Variants in JPH1 observed in about 807,000 individuals in gnomAD.
JPH1 encodes junctophilin-1.
In JPH1, 12 loss-of-function variants were observed where a neutral mutation model predicts 53.6. The ratio of observed to expected loss-of-function variants is 0.22; its 90% CI spans 0.14 to 0.36. The LOEUF (loss-of-function observed/expected upper bound fraction) is 0.36. Among genes scored for constraint, JPH1 ranks in the 10% least tolerant of loss-of-function variants. The pLI, the probability that JPH1 is intolerant of heterozygous loss-of-function variation, is 1.00. For synonymous variants in JPH1, 375 were observed against 363.8 expected (o/e 1.03, Z -0.35); for missense variants, 808 against 905.5 (o/e 0.89, Z 1.38).
rs546213366 is a variant in JPH1, at chr8:74,237,120, C to T, written c.*16-85G>A. 4.4e-5 allele frequency: 36 copies of T among 820,400 alleles called. 1 individual carries two copies. Among genetic ancestry groups the T allele is most frequent in the South Asian group, 3.7e-4 (22 of 59,780 alleles). 50.8% of individuals were successfully genotyped at this position (820,400 alleles called of 1,614,324 possible). Reference sequence around the variant, plus strand: ...GCCAAAATTAAAGTGAAGGACAATACGTCATTGTTAAAAAAAATAGCAAAT... The same window carrying T: ...GCCAAAATTAAAGTGAAGGACAATATGTCATTGTTAAAAAAAATAGCAAAT... On this transcript the variant is annotated intron_variant, in intron 5 of 5. Transcript: ENST00000342232.
At chr8:74,253,683 A>G (rs185493062) in intron 3 of JPH1, among the ~76,000 whole-genome samples, 77 of 152,290 alleles carry the variant, frequency 5.1e-4, no homozygotes, top group African/African-American at 1.7e-3. Context: ...AGAATCAAAT[A>G]GACGCAATAA....
rs925891002 is a variant in JPH1, at chr8:74,262,107, A to T, written c.1140-2604T>A. Among the ~76,000 whole-genome samples the T allele has an allele frequency of 3.3e-5, 5 of 151,898 alleles. No individual in the cohort carries two copies. The South Asian group carries it at 1.0e-3, about 32-fold the overall frequency. ...TCTATCCAGCCCAGCTCTGTGGCTC[A>T]GTGCTACTGTATAGCTGGCCAGATG... is the stretch of plus-strand genomic sequence containing the variant. On this transcript the variant is annotated intron_variant, in intron 2 of 5. Transcript: ENST00000342232.
chr8:74,273,898 T>G (rs1806774366), intron 2 of JPH1, among the ~76,000 whole-genome samples: 1 of 152,312 alleles, frequency 6.6e-6, no homozygotes, highest in Middle Eastern at 3.4e-3. Flanking sequence ...TTATCTTCTG[T>G]TGTTACTTGA....
At chr8:74,262,802 T>C (rs554328546) in intron 2 of JPH1, among the ~76,000 whole-genome samples, 6 of 152,340 alleles carry the variant, frequency 3.9e-5, no homozygotes, top group Admixed American at 2.0e-4. Context: ...TTATGCTCAC[T>C]GAGCAGCTAT....
At chr8:74,276,380 G>A (rs933920345) in intron 2 of JPH1, among the ~76,000 whole-genome samples, 3 of 152,190 alleles carry the variant, frequency 2.0e-5, no homozygotes, top group African/African-American at 7.2e-5. Flanking sequence ...TAACATGGAG[G>A]TCAAGTCCCA....
In JPH1 at chr8:74,321,188, C is replaced by T. The variant is rs1203328866; in HGVS notation, c.100G>A (p.Gly34Ser). The change falls in exon 1 of 6, where the codon GGC becomes AGC. Residue 34 changes from glycine (G) to serine (S), a missense_variant. Gly to Ser is a moderately conservative substitution (Grantham distance 56, BLOSUM62 0). This residue lies in a region of JPH1 where 52 missense variants were observed against 93.6 expected (regional missense o/e 0.56). Coordinates refer to ENST00000342232, the MANE Select transcript of JPH1 (RefSeq NM_020647.4). This position sits in a 1 kb window ranked among gnomAD's most constrained non-coding sequence, Gnocchi z 4.3. ...CAGGAGCCCGAGTACTCGCCCTGGC[C>T]CTTGGGCCCCGTGCAGATGCCATGC... ...HGHGICTGPK[G>S]QGEYSGSWSH... 1 of 1,613,138 alleles carries T rather than the reference C, an allele frequency of 6.2e-7. No individual in the cohort carries two copies. The highest frequency in any genetic ancestry group is 2.2e-5 in the East Asian group (1 of 44,780).
chr8:74,257,020 A>C (rs904036124), intron 3 of JPH1, among the ~76,000 whole-genome samples: 1 of 152,172 alleles, frequency 6.6e-6, no homozygotes, highest in African/African-American at 2.4e-5. Context: ...CTTTTCGAAA[A>C]TGTCTATCTG....
At chr8:74,249,048 G>C (rs1228420998) in intron 3 of JPH1, among the ~76,000 whole-genome samples, 1 of 152,158 alleles carries the variant, frequency 6.6e-6, no homozygotes, top group Non-Finnish European at 1.5e-5. Context: ...GCCACACAAT[G>C]TGAAAAAAGA....
In JPH1 at chr8:74,244,514, A is replaced by G; in HGVS notation, c.1905+15T>C. The G allele has an allele frequency of 1.3e-6, 2 of 1,570,850 alleles. No individual in the cohort carries two copies. On this transcript the variant is annotated intron_variant, in intron 4 of 5. Coordinates refer to ENST00000342232, the MANE Select transcript of JPH1 (RefSeq NM_020647.4). The stretch of plus-strand genomic sequence containing the variant: ...AGGGAAGAAAGAAAGAGAAAACGCT[A>G]CTTGCAGTACTTACTGAATTGGCTT...
chr8:74,243,154 T>C (rs1229565146), intron 4 of JPH1, among the ~76,000 whole-genome samples: 1 of 152,250 alleles, frequency 6.6e-6, no homozygotes, highest in Non-Finnish European at 1.5e-5. Context: ...TGCGAGGCCT[T>C]ATTAACCTGG....
At chr8:74,312,861 A>G (rs948849727) in intron 2 of JPH1, among the ~76,000 whole-genome samples, 2 of 152,062 alleles carry the variant, frequency 1.3e-5, no homozygotes, top group African/African-American at 2.4e-5. Flanking sequence ...CTAAGTAACT[A>G]TGAAGTAACT....
In JPH1 at chr8:74,259,482, C is replaced by T; in HGVS notation, c.1161G>A (p.Lys387=). 6.2e-7 allele frequency: 1 copy of T among 1,611,050 alleles called. No individual in the cohort carries two copies. The highest frequency in any genetic ancestry group is 1.1e-5 in the South Asian group (1 of 90,736). Residue 387 remains lysine (K), a synonymous_variant, in exon 3 of 6, where the codon AAG becomes AAA. Transcript: ENST00000342232. Reference sequence around the variant, plus strand: ...GCGCGGCCTGGTCGGCGGCATCGGCCTTCGCTCTGGCATGTGCAGTCCTAC... The same window carrying T: ...GCGCGGCCTGGTCGGCGGCATCGGCTTTCGCTCTGGCATGTGCAGTCCTAC... ...ANSRTAHARA[K]ADAADQAALA... is the part of the protein sequence containing the mutation.
rs541539804 is a variant in JPH1, at chr8:74,279,000, C to T, written c.1140-19497G>A. On this transcript the variant is annotated intron_variant, in intron 2 of 5. Coordinates refer to ENST00000342232, the MANE Select transcript of JPH1 (RefSeq NM_020647.4). The stretch of plus-strand genomic sequence containing the variant: ...ACACGCACACGCGCGCACACACACA[C>T]ACACACGCATACACACACACAGCAT... 2.0e-5 allele frequency among the ~76,000 whole-genome samples: 3 copies of T among 152,238 alleles called. No homozygotes were observed. The East Asian group carries it at 5.8e-4, about 29-fold the overall frequency.
At chr8:74,243,606 A>G (rs894539507) in intron 4 of JPH1, among the ~76,000 whole-genome samples, 1 of 152,212 alleles carries the variant, frequency 6.6e-6, no homozygotes, top group African/African-American at 2.4e-5. Flanking sequence ...CATTATGCAA[A>G]TATGTCTCTA....
chr8:74,320,469 A>G lies in JPH1; in HGVS notation c.379+440T>C, dbSNP rs1238162159. 4.6e-5 allele frequency among the ~76,000 whole-genome samples: 7 copies of G among 152,134 alleles called. No individual in the cohort carries two copies. On this transcript the variant is annotated intron_variant, in intron 1 of 5. Transcript: ENST00000342232. This position sits in a 1 kb window ranked among gnomAD's most constrained non-coding sequence, Gnocchi z 4.4. ...CGGGAGCGGTCAGCACGGACCGCCAACCTCACCCGCTCAGGGTGTTCGCTC... is the reference window on the plus strand; with the variant it reads ...CGGGAGCGGTCAGCACGGACCGCCAGCCTCACCCGCTCAGGGTGTTCGCTC...
chr8:74,237,438 G>C (rs943533587), intron 4 of JPH1, 135 bp from the exon 5 acceptor site: 1 of 668,344 alleles, frequency 1.5e-6, no homozygotes, highest in Non-Finnish European at 2.6e-6. Context: ...CAGCAGTTCG[G>C]AAAGGTGTAG....
chr8:74,290,990 T>C (rs1313666111), intron 2 of JPH1, among the ~76,000 whole-genome samples: 1 of 152,180 alleles, frequency 6.6e-6, no homozygotes. Flanking sequence ...TCAAGATGGA[T>C]TAAAGACTTA....
intron 2 of JPH1, among the ~76,000 whole-genome samples, chr8:74,284,016 T>C (rs1413592702): frequency 6.6e-6 from 1 of 152,142 alleles, no homozygotes; most frequent in African/African-American, 2.4e-5. Flanking sequence ...GGGGTGGCAG[T>C]GATTGCAAAT....
chr8:74,285,469 G>T (rs1807136769), intron 2 of JPH1, among the ~76,000 whole-genome samples: 1 of 152,052 alleles, frequency 6.6e-6, no homozygotes, highest in South Asian at 2.1e-4. Flanking sequence ...AAAAAGCCTA[G>T]GATGCAGTGT....
Sources: gnomAD v4.1 joint callset for allele counts (sites outside exome capture counted in the v4.1 genomes callset) on GRCh38, gnomAD v4.1.1 for gene constraint, gnomAD v4.1.1 regional missense constraint, Gnocchi (gnomAD v3.1) non-coding constraint, MANE v1.5 for transcripts, NCBI Gene and HGNC (gene_info 2026-07-23, HGNC 2026-07-21) for gene names.